SHISAL2A: variants seen among roughly 807,000 people sequenced by gnomAD.
SHISAL2A encodes the protein protein shisa-like-2A.
In SHISAL2A, 18 loss-of-function variants were observed where a neutral mutation model predicts 11.5. That is an observed-to-expected ratio of 1.57 (90% CI 1.08 to 2.33). The LOEUF is 2.33. Ranked by LOEUF, SHISAL2A falls within the 30% of genes most tolerant of loss-of-function variation. The probability of loss-of-function intolerance (pLI) is 0.00; values close to 1 mark genes in which losing one functional copy is unlikely to be tolerated. For synonymous variants in SHISAL2A, 94 were observed against 99.6 expected, an observed-to-expected ratio of 0.94 and a Z score of 0.34; for missense variants, 261 against 250.9, an observed-to-expected ratio of 1.04 and a Z score of -0.27.
At chr1:52,667,333 G>A (rs865935201) in intron 4 of SHISAL2A, 3 of 851,352 alleles carry the variant, frequency 3.5e-6, no homozygotes, top group Middle Eastern at 1.2e-3. Context: ...AGCTCTTGCT[G>A]GGAATGTTTG....
At chr1:52,664,013 GA>G (rs1691958809) in intron 4 of SHISAL2A, among the ~76,000 whole-genome samples, 2 of 152,124 alleles carry the variant, frequency 1.3e-5, no homozygotes, top group Admixed American at 1.3e-4. Flanking sequence ...AATGCATTCT[GA>G]AAAACCATAC....
In SHISAL2A at chr1:52,633,290, TCCGCGCGGGCCGGGCACCTGGCCG is replaced by T; in HGVS notation, c.-199_-176del. 1 of 458,916 alleles carries T rather than the reference TCCGCGCGGGCCGGGCACCTGGCCG, an allele frequency of 2.2e-6. No homozygotes were observed. Among genetic ancestry groups the T allele is most frequent in the Non-Finnish European group, 3.7e-6 (1 of 268,830 alleles). 28.4% of individuals were successfully genotyped at this position (458,916 alleles called of 1,614,324 possible). ...CGCCCGCCCCGCCTGCCCCTACCCC[TCCGCGCGGGCCGGGCACCTGGCCG>T]CCGCTCGGTCCTCGGGGCCCCGCGC... On this transcript the variant is annotated 5_prime_UTR_variant, in exon 1 of 3. Coordinates refer to ENST00000517870, the MANE Select transcript of SHISAL2A (RefSeq NM_001042693.3). This position sits in a 1 kb window ranked among gnomAD's most constrained non-coding sequence, Gnocchi z 6.4.
In SHISAL2A at chr1:52,650,777, T is replaced by C. The variant is rs1691621121; in HGVS notation, c.323-6013T>C. On this transcript the variant is annotated intron_variant, in intron 2 of 2. Coordinates refer to ENST00000517870, the MANE Select transcript of SHISAL2A (RefSeq NM_001042693.3). ...CTCCTGCCTCAGCCTCTCATGTAGC[T>C]GAGGCTACAGGCACCTGCCACCACA... is the stretch of plus-strand genomic sequence containing the variant. Among the ~76,000 whole-genome samples the C allele has an allele frequency of 2.0e-5, 3 of 151,034 alleles. No individual in the cohort carries two copies. The South Asian group carries it at 6.3e-4, about 32-fold the overall frequency.
intron 4 of SHISAL2A, among the ~76,000 whole-genome samples, chr1:52,662,539 T>G (rs1212594569): frequency 2.0e-5 from 3 of 149,500 alleles, no homozygotes; most frequent in Non-Finnish European, 4.4e-5. Context: ...TAAATAAAGA[T>G]GGGGTTTTAC....
Position 52,633,598 on chromosome 1 carries a change from CT to C in SHISAL2A, c.107del (p.Phe36SerfsTer31). The C allele has an allele frequency of 2.5e-6, 4 of 1,612,610 alleles. No individual in the cohort carries two copies. The highest frequency in any genetic ancestry group is 3.4e-6 in the Non-Finnish European group (4 of 1,179,432). ...AGGCGGCCGCTGTCTTCTGCTGCGG[CT>C]TCCGCGACCACAAGTACTGCTGCGA... ...GEAAAVFCCG[F>X]RDHKYCCDDP... On this transcript the variant is annotated frameshift_variant, in exon 1 of 3. Transcript: ENST00000517870. LOFTEE classifies it high-confidence loss of function. The surrounding 1 kb of genome is among the most constrained non-coding windows in gnomAD (Gnocchi z 6.4).
At chr1:52,634,846 T>C (rs1691206307) in intron 1 of SHISAL2A, among the ~76,000 whole-genome samples, 1 of 152,214 alleles carries the variant, frequency 6.6e-6, no homozygotes, top group Admixed American at 6.5e-5. Context: ...AGTAGGATGA[T>C]CAATCATTGC....
intron 1 of SHISAL2A, among the ~76,000 whole-genome samples, chr1:52,640,870 C>T (rs1691349055): frequency 6.6e-6 from 1 of 152,140 alleles, no homozygotes; most frequent in Non-Finnish European, 1.5e-5. Context: ...CCGGGGAAAC[C>T]AACCATGTGA....
chr1:52,651,578 C>T (rs1430065764), intron 2 of SHISAL2A, among the ~76,000 whole-genome samples: 2 of 151,140 alleles, frequency 1.3e-5, no homozygotes, highest in Admixed American at 6.6e-5. Context: ...GGAGTCTCAC[C>T]CTCTTGCCCA....
At chr1:52,642,754 A>G in intron 1 of SHISAL2A, 109 bp from the exon 2 acceptor site, 1 of 1,148,784 alleles carries the variant, frequency 8.7e-7, no homozygotes, top group South Asian at 1.4e-5. Context: ...TTTATTCTGT[A>G]CATTTTCTTC....
chr1:52,647,767 G>A (rs972650954), intron 2 of SHISAL2A, among the ~76,000 whole-genome samples: 2 of 151,588 alleles, frequency 1.3e-5, no homozygotes, highest in Non-Finnish European at 2.9e-5. Context: ...ATTGCTTGAG[G>A]CCAGGAGGTG....
At chr1:52,660,803 A>C (rs113833917), downstream of SHISAL2A, among the ~76,000 whole-genome samples, 626 of 152,286 alleles carry the variant, frequency 4.1e-3, 6 homozygotes, top group African/African-American at 0.013. Flanking sequence ...ACATTGATTG[A>C]CAATGATTTT....
chr1:52,646,626 G>A (rs913579931), intron 2 of SHISAL2A, among the ~76,000 whole-genome samples: 3 of 151,918 alleles, frequency 2.0e-5, no homozygotes, highest in African/African-American at 7.3e-5. Flanking sequence ...CAATTCTGAG[G>A]TCATTTGTAA....
At chr1:52,647,991 A>G (rs1691540134) in intron 2 of SHISAL2A, among the ~76,000 whole-genome samples, 1 of 150,142 alleles carries the variant, frequency 6.7e-6, no homozygotes, top group African/African-American at 2.4e-5. Flanking sequence ...TACTGCTGGT[A>G]AGAGTATGCA....
downstream of SHISAL2A, among the ~76,000 whole-genome samples, chr1:52,658,317 G>A (rs1002715854): frequency 1.3e-5 from 2 of 152,244 alleles, no homozygotes; most frequent in African/African-American, 4.8e-5. Flanking sequence ...TGGGATTACA[G>A]ATGTGAGCCA....
At chr1:52,664,254 G>A (rs1363159873) in intron 4 of SHISAL2A, among the ~76,000 whole-genome samples, 3 of 148,496 alleles carry the variant, frequency 2.0e-5, no homozygotes, top group East Asian at 2.0e-4. Flanking sequence ...GCAGTGGCGC[G>A]ATCTCCGCTC....
rs1691609515 is a variant in SHISAL2A, at chr1:52,650,471, GC to G, written c.323-6318del. On this transcript the variant is annotated intron_variant, in intron 2 of 2. Transcript: ENST00000517870. ...TTACTCTAAAATGTGTACCCTCATA[GC>G]TACTAAGAAAGTTGTTGCAAAAACT... is the stretch of plus-strand genomic sequence containing the variant. 3.3e-5 allele frequency among the ~76,000 whole-genome samples: 5 copies of G among 152,238 alleles called. No homozygotes were observed. The South Asian group carries it at 1.0e-3, about 32-fold the overall frequency.
intron 2 of SHISAL2A, 100 bp downstream of exon 2, chr1:52,643,102 C>T (rs1691408962): frequency 1.6e-6 from 2 of 1,238,354 alleles, no homozygotes; most frequent in Admixed American, 4.3e-5. Context: ...TGCCTCATGA[C>T]TATTCCTGGA....
At chr1:52,659,835 G>A (rs1189417517), downstream of SHISAL2A, among the ~76,000 whole-genome samples, 1 of 152,186 alleles carries the variant, frequency 6.6e-6, no homozygotes, top group African/African-American at 2.4e-5. Context: ...CACTTTCAAG[G>A]GAGACTGGGA....
Position 52,633,438 on chromosome 1 carries a change from G to A in SHISAL2A, c.-56G>A. On this transcript the variant is annotated 5_prime_UTR_variant, in exon 1 of 3. Transcript: ENST00000517870. The surrounding 1 kb of genome is among the most constrained non-coding windows in gnomAD (Gnocchi z 6.4). ...CGCTCGGTCCCTCGCTTCCCCGCCG[G>A]GCTCTAGCCGGCCGTCTGGTGGCCC... The A allele has an allele frequency of 7.1e-7, 1 of 1,398,958 alleles. No homozygotes were observed. Among genetic ancestry groups the A allele is most frequent in the Non-Finnish European group, 9.3e-7 (1 of 1,079,314 alleles). 86.7% of individuals were successfully genotyped at this position (1,398,958 alleles called of 1,614,324 possible).
Sources: gnomAD v4.1 joint callset for allele counts (sites outside exome capture counted in the v4.1 genomes callset) on GRCh38, gnomAD v4.1.1 for gene constraint, Gnocchi (gnomAD v3.1) non-coding constraint, MANE v1.5 for transcripts, NCBI Gene and HGNC (gene_info 2026-07-23, HGNC 2026-07-21) for gene names.